Variants in PDGFC observed in about 807,000 individuals in gnomAD.
The protein encoded by PDGFC is platelet derived growth factor C.
PDGFC carries 12 observed loss-of-function variants against 35.5 expected under a neutral mutation model. That is an observed-to-expected ratio of 0.34 (90% CI 0.22 to 0.55). The LOEUF is 0.55. Ranked by LOEUF, PDGFC falls within the 20% of genes least tolerant of loss-of-function variation. PDGFC has a pLI of 0.91. For synonymous variants in PDGFC, 159 were observed against 148.8 expected (o/e 1.07, Z -0.50); for missense variants, 322 against 412.4 (o/e 0.78, Z 1.90).
intron 3 of PDGFC, among the ~76,000 whole-genome samples, chr4:156,796,078 G>A (rs1394039409): frequency 6.6e-6 from 1 of 152,110 alleles, no homozygotes; most frequent in Non-Finnish European, 1.5e-5. Context: ...TATGATAGAT[G>A]TTGTGCTCCA....
chr4:156,916,188 A>G (rs542599825), intron 1 of PDGFC, among the ~76,000 whole-genome samples: 24 of 152,302 alleles, frequency 1.6e-4, no homozygotes, highest in African/African-American at 4.8e-4. Context: ...ACCCCAAGGC[A>G]CAGAGACAAT....
intron 1 of PDGFC, among the ~76,000 whole-genome samples, chr4:156,873,151 T>A (rs1316676492): frequency 6.6e-6 from 1 of 152,114 alleles, no homozygotes; most frequent in South Asian, 2.1e-4. Context: ...AGAAGAATGC[T>A]CATATATAAT....
chr4:156,924,853 G>GT (rs1280603996), intron 1 of PDGFC, among the ~76,000 whole-genome samples: 2 of 152,106 alleles, frequency 1.3e-5, no homozygotes, highest in African/African-American at 2.4e-5. Context: ...GTTAAGTCTG[G>GT]GCAATCTTTT....
At chr4:156,929,470 A>G (rs1407796262) in intron 1 of PDGFC, among the ~76,000 whole-genome samples, 1 of 151,982 alleles carries the variant, frequency 6.6e-6, no homozygotes, top group African/African-American at 2.4e-5. Flanking sequence ...GCAAAAAAAA[A>G]AAAAGGCCAA....
chr4:156,969,274 C>T (rs1732534679), intron 1 of PDGFC, among the ~76,000 whole-genome samples: 1 of 152,198 alleles, frequency 6.6e-6, no homozygotes, highest in Non-Finnish European at 1.5e-5. Context: ...GTTTCCTGCA[C>T]GGGTACAGCT....
intron 1 of PDGFC, among the ~76,000 whole-genome samples, chr4:156,917,768 A>T (rs1397400640): frequency 6.6e-6 from 1 of 152,230 alleles, no homozygotes; most frequent in African/African-American, 2.4e-5. Flanking sequence ...TAATTCGCTA[A>T]TATGCGAAGT....
At chr4:156,834,379 C>T (rs1223558101) in intron 2 of PDGFC, among the ~76,000 whole-genome samples, 2 of 152,146 alleles carry the variant, frequency 1.3e-5, no homozygotes, top group Non-Finnish European at 2.9e-5. Context: ...CTCATTTCCA[C>T]TGAGATTAAC....
intron 1 of PDGFC, among the ~76,000 whole-genome samples, chr4:156,889,447 T>C (rs1730451701): frequency 6.6e-6 from 1 of 152,174 alleles, no homozygotes; most frequent in Admixed American, 6.5e-5. Context: ...AAACTTTGAA[T>C]TAGTACAGTT....
chr4:156,901,873 A>G (rs1419186101), intron 1 of PDGFC, among the ~76,000 whole-genome samples: 5 of 152,054 alleles, frequency 3.3e-5, no homozygotes, highest in Admixed American at 6.5e-5. Flanking sequence ...CGGCCTCCCA[A>G]AGTTCTGGAA....
chr4:156,839,369 T>C (rs1729143553), intron 2 of PDGFC, among the ~76,000 whole-genome samples: 2 of 152,296 alleles, frequency 1.3e-5, no homozygotes, highest in South Asian at 4.1e-4. Flanking sequence ...TTTCCCCTTT[T>C]GCTAGGCACT....
At chr4:156,809,253 C>T (rs548839787) in intron 3 of PDGFC, among the ~76,000 whole-genome samples, 3 of 151,944 alleles carry the variant, frequency 2.0e-5, no homozygotes, top group Non-Finnish European at 2.9e-5. Context: ...AAAATGTGGT[C>T]AATTTAATTT....
intron 2 of PDGFC, among the ~76,000 whole-genome samples, chr4:156,822,429 A>G (rs1262998904): frequency 6.6e-6 from 1 of 151,926 alleles, no homozygotes; most frequent in Non-Finnish European, 1.5e-5. Flanking sequence ...ATGAGGAAGC[A>G]CATACAATAT....
At chr4:156,889,554 A>T (rs1225781458) in intron 1 of PDGFC, among the ~76,000 whole-genome samples, 1 of 152,198 alleles carries the variant, frequency 6.6e-6, no homozygotes, top group Non-Finnish European at 1.5e-5. Context: ...AACATTCTTC[A>T]TGTCTATGAT....
At chr4:156,923,057 A>G (rs1731324936) in intron 1 of PDGFC, among the ~76,000 whole-genome samples, 2 of 152,110 alleles carry the variant, frequency 1.3e-5, no homozygotes, top group South Asian at 4.1e-4. Context: ...AATAAATCAG[A>G]TTGCTTTATT....
In PDGFC at chr4:156,761,915, C is replaced by G. The variant is rs370626317; in HGVS notation, c.*1175G>C. The G allele has an allele frequency of 6.6e-5, 10 of 152,658 alleles. No homozygotes were observed. The highest frequency in any genetic ancestry group is 2.2e-4 in the African/African-American group (9 of 41,542). The allele number at this position is 152,658 out of a possible 1,614,324, so 9.5% of individuals were successfully genotyped here. ...ACAGCACGCTTTATCAGGAAGCTGCCAAGTCTTTTTCAAGGTGCTTTATGT... is the reference window on the plus strand; with the variant it reads ...ACAGCACGCTTTATCAGGAAGCTGCGAAGTCTTTTTCAAGGTGCTTTATGT... On this transcript the variant is annotated 3_prime_UTR_variant, in exon 6 of 6. Transcript: ENST00000502773.
intron 5 of PDGFC, among the ~76,000 whole-genome samples, chr4:156,764,041 C>T (rs189119057): frequency 1.3e-5 from 2 of 152,140 alleles, no homozygotes; most frequent in African/African-American, 4.8e-5. Flanking sequence ...CATTTTATTT[C>T]TTATGATAGA....
intron 3 of PDGFC, among the ~76,000 whole-genome samples, chr4:156,780,107 G>GTTTTT (rs35403686): frequency 1.0e-4 from 13 of 124,998 alleles, no homozygotes; most frequent in African/African-American, 1.8e-4. Flanking sequence ...CAAAATTAAG[G>GTTTTT]TTTTTTTTTT....
intron 1 of PDGFC, among the ~76,000 whole-genome samples, chr4:156,953,903 A>G (rs1249835548): frequency 6.6e-6 from 1 of 151,970 alleles, no homozygotes; most frequent in Admixed American, 6.6e-5. Context: ...ACCATTCTCT[A>G]TCCTCACTAA....
chr4:156,813,228 T>C (rs1000731992), intron 2 of PDGFC, among the ~76,000 whole-genome samples: 1 of 152,138 alleles, frequency 6.6e-6, no homozygotes, highest in African/African-American at 2.4e-5. Context: ...CATAAGGATC[T>C]GTTTGTTCTG....
Sources: gnomAD v4.1 joint callset for allele counts (sites outside exome capture counted in the v4.1 genomes callset) on GRCh38, gnomAD v4.1.1 for gene constraint, MANE v1.5 for transcripts, NCBI Gene and HGNC (gene_info 2026-07-23, HGNC 2026-07-21) for gene names.